Variants in VRK2 observed in about 807,000 individuals in gnomAD.
VRK2 encodes serine/threonine-protein kinase VRK2.
In VRK2, 60 loss-of-function variants were observed where a neutral mutation model predicts 57.6. The observed-to-expected ratio is 1.04, with a 90% confidence interval of 0.85 to 1.29. The LOEUF (loss-of-function observed/expected upper bound fraction) is 1.29, where lower values mean the gene tolerates loss of function less well. Ranked by LOEUF, VRK2 falls within the 50% of genes most tolerant of loss-of-function variation. The pLI is 0.00. For missense variants in VRK2, 705 were observed against 588.1 expected, an observed-to-expected ratio of 1.20 and a Z score of -2.06; for synonymous variants, 231 against 199.2, an observed-to-expected ratio of 1.16 and a Z score of -1.35.
chr2:58,123,205 T>C lies in VRK2; in HGVS notation c.648T>C (p.Phe216=), dbSNP rs17049354. 6.7e-3 allele frequency: 10,648 copies of C among 1,587,332 alleles called. 592 individuals are homozygous for C. The African/African-American group carries it at 0.12, about 18-fold the overall frequency. ...AAGGCCATAATGGGACAATAGAGTT[T>C]ACCAGCTTGGATGCCCACAAGGGAG... ...PRKGHNGTIE[F]TSLDAHKGVA... The change falls in exon 8 of 13, where the codon TTT becomes TTC. Residue 216 remains phenylalanine (F), a synonymous_variant. Coordinates refer to ENST00000340157, the MANE Select transcript of VRK2 (RefSeq NM_006296.7).
chr2:57,919,306 T>G (rs1437672695), intron 1 of VRK2, among the ~76,000 whole-genome samples: 1 of 152,122 alleles, frequency 6.6e-6, no homozygotes, highest in Non-Finnish European at 1.5e-5. Context: ...TATTTTATAA[T>G]GTTTTATAAG....
At chr2:57,923,101 T>C (rs1044703106) in intron 1 of VRK2, among the ~76,000 whole-genome samples, 5 of 152,186 alleles carry the variant, frequency 3.3e-5, no homozygotes, top group Admixed American at 3.3e-4. Context: ...GTGCACCACA[T>C]TTTTGTTATC....
At chr2:57,936,568 C>G (rs773074545) in intron 1 of VRK2, among the ~76,000 whole-genome samples, 1 of 144,310 alleles carries the variant, frequency 6.9e-6, no homozygotes, top group Non-Finnish European at 1.5e-5. Context: ...ACTCTGTCCT[C>G]TGTTGTCCAG....
intron 1 of VRK2, among the ~76,000 whole-genome samples, chr2:57,921,286 GCACA>G (rs34924125): frequency 0.013 from 1,968 of 147,968 alleles, 36 homozygotes; most frequent in African/African-American, 0.042. Flanking sequence ...TCTTAAGCGC[GCACA>G]CACACACACA....
chr2:58,104,029 C>T (rs1674393634), intron 7 of VRK2, among the ~76,000 whole-genome samples: 1 of 151,782 alleles, frequency 6.6e-6, no homozygotes, highest in Non-Finnish European at 1.5e-5. Flanking sequence ...AGCATCTCTT[C>T]ATGATAGAAA....
chr2:58,123,138 G>C lies in VRK2; in HGVS notation c.581G>C (p.Cys194Ser). The C allele has an allele frequency of 1.3e-6, 2 of 1,599,434 alleles. No homozygotes were observed. The highest frequency in any genetic ancestry group is 1.1e-5 in the South Asian group (1 of 87,740). Reference protein sequence around the residue: ...LADYGLSYRYCPNGNHKQYQE... With the variant: ...LADYGLSYRYSPNGNHKQYQE... Reference sequence around the variant, plus strand: ...GATTATGGACTTTCCTACAGATATTGTCCCAATGGGAACCACAAACAGTAT... The same window carrying C: ...GATTATGGACTTTCCTACAGATATTCTCCCAATGGGAACCACAAACAGTAT... Residue 194 changes from cysteine to serine, a missense_variant, in exon 8 of 13, where the codon TGT becomes TCT. Coordinates refer to ENST00000340157, the MANE Select transcript of VRK2 (RefSeq NM_006296.7).
intron 1 of VRK2, among the ~76,000 whole-genome samples, chr2:57,964,396 G>C (rs566137138): frequency 6.6e-6 from 1 of 152,238 alleles, no homozygotes; most frequent in Admixed American, 6.5e-5. Flanking sequence ...AGACTGAAGA[G>C]GAGTAGGAAG....
chr2:58,077,462 C>G (rs1048464908), intron 2 of VRK2, among the ~76,000 whole-genome samples: 4 of 151,994 alleles, frequency 2.6e-5, no homozygotes, highest in Non-Finnish European at 4.4e-5. Flanking sequence ...ATTCTTCTGT[C>G]TCTTAGAAAA....
intron 1 of VRK2, among the ~76,000 whole-genome samples, chr2:58,014,840 T>A (rs1673526160): frequency 6.6e-6 from 1 of 152,082 alleles, no homozygotes; most frequent in Non-Finnish European, 1.5e-5. Context: ...ATTGTGTAGG[T>A]GTAGATCTGC....
At chr2:57,920,298 T>C (rs1670300051) in intron 1 of VRK2, among the ~76,000 whole-genome samples, 1 of 152,110 alleles carries the variant, frequency 6.6e-6, no homozygotes, top group South Asian at 2.1e-4. Flanking sequence ...ATATCATTTT[T>C]GGACTTATTA....
intron 1 of VRK2, among the ~76,000 whole-genome samples, chr2:58,017,628 A>G (rs1673625640): frequency 6.6e-6 from 1 of 151,994 alleles, no homozygotes; most frequent in Non-Finnish European, 1.5e-5. Flanking sequence ...AGCGTTAAAT[A>G]TATGTGCTCA....
intron 7 of VRK2, among the ~76,000 whole-genome samples, chr2:58,108,065 G>A (rs138773655): frequency 7.2e-5 from 11 of 152,200 alleles, no homozygotes; most frequent in Non-Finnish European, 1.6e-4. Context: ...GAACTAGTTG[G>A]ATTAGGGTGT....
chr2:58,047,509 G>T (rs775332738), intron 1 of VRK2: 1 of 964,598 alleles, frequency 1.0e-6, no homozygotes, highest in African/African-American at 1.8e-5. Flanking sequence ...CTCAAGCCCT[G>T]AGGCCGCTGC....
intron 1 of VRK2, among the ~76,000 whole-genome samples, chr2:57,981,453 A>G (rs1572933111): frequency 6.6e-6 from 1 of 152,060 alleles, no homozygotes; most frequent in Non-Finnish European, 1.5e-5. Context: ...CCTTCTCTTT[A>G]GCTGCCTTTA....
rs1262436342 is a variant in VRK2 at position 58,139,847 on chromosome 2, C to T, written c.1023+15C>T. 1.7e-5 allele frequency: 27 copies of T among 1,592,272 alleles called. No homozygotes were observed. Among genetic ancestry groups the T allele is most frequent in the Non-Finnish European group, 2.3e-5 (27 of 1,168,374 alleles). On this transcript the variant is annotated intron_variant, in intron 11 of 12. Coordinates refer to ENST00000340157, the MANE Select transcript of VRK2 (RefSeq NM_006296.7). ...ACAGTCAAAAAGTAAGTAACATAAT[C>T]CCTGCTATCCTATGATTACCTTCTA...
Position 58,123,219 on chromosome 2 carries a change from C to G in VRK2, c.662C>G (p.Ala221Gly). 1 of 1,582,290 alleles carries G rather than the reference C, an allele frequency of 6.3e-7. No homozygotes were observed. The highest frequency in any genetic ancestry group is 8.5e-7 in the Non-Finnish European group (1 of 1,171,626). The part of the protein sequence containing the change: ...NGTIEFTSLD[A>G]HKGVALSRRS... The stretch of plus-strand genomic sequence containing the variant: ...ACAATAGAGTTTACCAGCTTGGATG[C>G]CCACAAGGGAGTAGGTGGGTTTCTT... Residue 221 changes from alanine to glycine, a missense_variant, in exon 8 of 13, where the codon GCC (alanine) becomes GGC (glycine). Physicochemically the swap from Ala to Gly is moderately conservative, Grantham distance 60. Transcript: ENST00000340157.
At chr2:57,965,320 G>A (rs760911092) in intron 1 of VRK2, among the ~76,000 whole-genome samples, 16 of 152,164 alleles carry the variant, frequency 1.1e-4, no homozygotes, top group Non-Finnish European at 2.1e-4. Flanking sequence ...AGCTAAATCT[G>A]TTATAATAAC....
chr2:58,002,598 T>G (rs915066192), intron 1 of VRK2, among the ~76,000 whole-genome samples: 8 of 152,192 alleles, frequency 5.3e-5, no homozygotes, highest in Non-Finnish European at 1.0e-4. Context: ...TTTTTTTTAA[T>G]CATATGGTTA....
rs535615162 is a variant in VRK2 at position 58,089,650 on chromosome 2, T to A, written c.470T>A (p.Ile157Lys). The A allele has an allele frequency of 5.0e-6, 8 of 1,603,018 alleles. No homozygotes were observed. In the South Asian group the frequency reaches 8.9e-5, roughly 18 times the overall value. The part of the protein sequence containing the change: ...GIRMLDVLEY[I>K]HENEYVHGDI... ...TCACAGTTGGATGTACTGGAATATA[T>A]ACATGAAAATGAATATGTTCATGGT... The change falls in exon 7 of 13, where the codon ATA becomes AAA. Residue 157 changes from isoleucine (I) to lysine (K), a missense_variant. Transcript: ENST00000340157.
Sources: gnomAD v4.1 joint callset for allele counts (sites outside exome capture counted in the v4.1 genomes callset) on GRCh38, gnomAD v4.1.1 for gene constraint, MANE v1.5 for transcripts, NCBI Gene and HGNC (gene_info 2026-07-23, HGNC 2026-07-21) for gene names.